Variants in IBA57 observed in about 807,000 individuals in gnomAD.
IBA57 encodes the protein iron-sulfur cluster assembly factor IBA57, mitochondrial.
IBA57 carries 20 observed loss-of-function variants against 20.4 expected under a neutral mutation model. The observed-to-expected ratio is 0.98, with a 90% CI of 0.69 to 1.42. The LOEUF (loss-of-function observed/expected upper bound fraction) is 1.42, where lower values mean the gene tolerates loss of function less well. Ranked by LOEUF, IBA57 falls within the 40% of genes most tolerant of loss-of-function variation. The probability of loss-of-function intolerance (pLI) is 0.00; values close to 1 mark genes in which losing one functional copy is unlikely to be tolerated. For missense variants in IBA57, 608 were observed against 499.3 expected (o/e 1.22, Z -2.07); for synonymous variants, 310 against 233.9 (o/e 1.33, Z -2.97).
At position 228,182,092 on chromosome 1, in the gene IBA57, C is replaced by G. The variant is rs1013341390; in HGVS notation, c.*6579C>G. On this transcript the variant is annotated 3_prime_UTR_variant, in exon 3 of 3. Transcript: ENST00000366711. Reference sequence around the variant, plus strand: ...CATTTTGTTTTATGTCAGACTCTCTCAGTGAGAAGTTCTCAGGGACAATAA... The same window carrying G: ...CATTTTGTTTTATGTCAGACTCTCTGAGTGAGAAGTTCTCAGGGACAATAA... 1 of 152,118 alleles carries G rather than the reference C, an allele frequency of 6.6e-6. No homozygotes were observed. The highest frequency in any genetic ancestry group is 2.4e-5 in the African/African-American group (1 of 41,414). 9.4% of individuals were successfully genotyped at this position (152,118 alleles called of 1,614,324 possible). A position where few individuals can be genotyped will look rare whatever the true frequency, so the allele number is the denominator to read the frequency against.
intron 1 of IBA57, 94 bp downstream of exon 1, chr1:228,166,251 A>T: frequency 2.8e-6 from 1 of 360,790 alleles, no homozygotes; most frequent in Non-Finnish European, 3.9e-6. Flanking sequence ...CGGGGCCTGC[A>T]GAGGGCGTGG....
chr1:228,181,878 T>A lies in IBA57; in HGVS notation c.*6365T>A, dbSNP rs1191368123. ...AAGTAAGAAAAAGGGTCTGTCTGGC[T>A]ATGGGCCATGGAGACCCAGGGCAGT... On this transcript the variant is annotated 3_prime_UTR_variant, in exon 3 of 3. Coordinates refer to ENST00000366711, the MANE Select transcript of IBA57 (RefSeq NM_001010867.4). 1.3e-5 allele frequency: 2 copies of A among 152,246 alleles called. No homozygotes were observed. The highest frequency in any genetic ancestry group is 4.8e-5 in the African/African-American group (2 of 41,458). 9.4% of individuals were successfully genotyped at this position (152,246 alleles called of 1,614,324 possible).
chr1:228,166,030 G>C lies in IBA57; in HGVS notation c.214G>C (p.Gly72Arg), dbSNP rs1215430925. Residue 72 changes from glycine (G) to arginine (R), a missense_variant, in exon 1 of 3, where the codon GGG becomes CGG. By Grantham distance (125) the Gly-to-Arg change is moderately radical. Transcript: ENST00000366711. ...CCCCGACGCGGCGCCCTTCCTGCTA[G>C]GGCTGCTGACCAATGAACTGCCGCT... ...RGPDAAPFLL[G>R]LLTNELPLPS... is the part of the protein sequence containing the mutation. The C allele has an allele frequency of 6.5e-7, 1 of 1,537,558 alleles. No individual in the cohort carries two copies. The highest frequency in any genetic ancestry group is 1.4e-5 in the African/African-American group (1 of 72,164).
chr1:228,175,586 C>T lies in IBA57; in HGVS notation c.*73C>T. On this transcript the variant is annotated 3_prime_UTR_variant, in exon 3 of 3. Coordinates refer to ENST00000366711, the MANE Select transcript of IBA57 (RefSeq NM_001010867.4). ...GCCTTTGGCCTCTGTCCAGGGTCTT[C>T]CCGTCCCATCTGTCTGCTGCGCCTA... 6.7e-7 allele frequency: 1 copy of T among 1,483,388 alleles called. No homozygotes were observed. 91.9% of individuals were successfully genotyped at this position (1,483,388 alleles called of 1,614,324 possible). A position where few individuals can be genotyped will look rare whatever the true frequency, so the allele number is the denominator to read the frequency against.
rs755109511 is a variant in IBA57 at position 228,174,772 on chromosome 1, C to A, written c.422C>A (p.Ala141Glu). 1 of 1,610,448 alleles carries A rather than the reference C, an allele frequency of 6.2e-7. No homozygotes were observed. ...SVQGALQKHL[A>E]LYRIRRKVTV... is the part of the protein sequence containing the mutation. ...CAGGGCGCGCTGCAGAAGCACCTCG[C>A]GCTATACAGGATCCGGCGGAAGGTC... Residue 141 changes from alanine (A) to glutamate (E), a missense_variant, in exon 2 of 3, where the codon GCG becomes GAG. Ala to Glu is a moderately radical substitution (Grantham distance 107, BLOSUM62 -1). Coordinates refer to ENST00000366711, the MANE Select transcript of IBA57 (RefSeq NM_001010867.4).
At chr1:228,169,144 G>T (rs961644317) in intron 1 of IBA57, among the ~76,000 whole-genome samples, 1 of 152,024 alleles carries the variant, frequency 6.6e-6, no homozygotes, top group Admixed American at 6.6e-5. Flanking sequence ...TCTGTGGTTT[G>T]CCCCCTCTGG....
At chr1:228,175,065 CG>C in intron 2 of IBA57, 36 bp downstream of exon 2, 2 of 1,573,502 alleles carry the variant, frequency 1.3e-6, no homozygotes, top group South Asian at 1.2e-5. Context: ...CTGGATTGCA[CG>C]GGTGGAGCTG....
In IBA57 at chr1:228,178,239, C is replaced by T. The variant is rs1469335491; in HGVS notation, c.*2726C>T. 6.6e-6 allele frequency: 1 copy of T among 152,236 alleles called. No homozygotes were observed. The highest frequency in any genetic ancestry group is 2.4e-5 in the African/African-American group (1 of 41,448). 9.4% of individuals were successfully genotyped at this position (152,236 alleles called of 1,614,324 possible). A position where few individuals can be genotyped will look rare whatever the true frequency, so the allele number is the denominator to read the frequency against. On this transcript the variant is annotated 3_prime_UTR_variant, in exon 3 of 3. Coordinates refer to ENST00000366711, the MANE Select transcript of IBA57 (RefSeq NM_001010867.4). The stretch of plus-strand genomic sequence containing the variant: ...TCTGTTTCTGAGCTGTTTTACTTAA[C>T]ACAGTGTATATGGTGCATCTTTAGG...
At chr1:228,174,080 G>A (rs968695529) in intron 1 of IBA57, among the ~76,000 whole-genome samples, 2 of 152,280 alleles carry the variant, frequency 1.3e-5, no homozygotes, top group African/African-American at 4.8e-5. Flanking sequence ...ATCTAGCTGT[G>A]ATGCGCGCCT....
At chr1:228,166,301 T>A in intron 1 of IBA57, 144 bp downstream of exon 1, 3 of 257,682 alleles carry the variant, frequency 1.2e-5, no homozygotes, top group Admixed American at 6.0e-5. Context: ...GGGTGGAAGC[T>A]CAAGGGTGGG....
At position 228,175,389 on chromosome 1, in the gene IBA57, A is replaced by G. The variant is rs200319163; in HGVS notation, c.947A>G (p.Asn316Ser). 1 of 1,612,792 alleles carries G rather than the reference A, an allele frequency of 6.2e-7. No homozygotes were observed. The highest frequency in any genetic ancestry group is 1.3e-5 in the African/African-American group (1 of 74,918). ...TVGKFRAGQG[N>S]VGLALLWSEK... is the part of the protein sequence containing the mutation. ...GGCAAGTTCAGGGCTGGCCAGGGCA[A>G]CGTGGGGCTGGCCCTGCTGTGGTCA... is the stretch of plus-strand genomic sequence containing the variant. Residue 316 changes from asparagine to serine, a missense_variant, in exon 3 of 3, where the codon AAC becomes AGC. Physicochemically the swap from Asn to Ser is conservative, Grantham distance 46. Coordinates refer to ENST00000366711, the MANE Select transcript of IBA57 (RefSeq NM_001010867.4).
rs1347308597 is a variant in IBA57 at position 228,170,546 on chromosome 1, G to T, written c.342-4146G>T. ...GGGCTCAGGCGATTCTCCTGCCTCA[G>T]CTTCACAAAGTGTTGGGATTGCGGG... On this transcript the variant is annotated intron_variant, in intron 1 of 2. Transcript: ENST00000366711. This position sits in a 1 kb window ranked among gnomAD's most constrained non-coding sequence, Gnocchi z 4.8. Among the ~76,000 whole-genome samples, 2 of 152,164 alleles carry T rather than the reference G, an allele frequency of 1.3e-5. No individual in the cohort carries two copies. The highest frequency in any genetic ancestry group is 4.8e-5 in the African/African-American group (2 of 41,420).
chr1:228,170,205 T>C lies in IBA57; in HGVS notation c.341+4048T>C, dbSNP rs1388557269. ...TCTTTTAGTACTGGTTAGTATTCCA[T>C]TGGATGGACCACAGTTTATTTGTCC... On this transcript the variant is annotated intron_variant, in intron 1 of 2. Transcript: ENST00000366711. This position sits in a 1 kb window ranked among gnomAD's most constrained non-coding sequence, Gnocchi z 4.8. Among the ~76,000 whole-genome samples the C allele has an allele frequency of 6.6e-6, 1 of 152,232 alleles. No homozygotes were observed. Among genetic ancestry groups the C allele is most frequent in the Non-Finnish European group, 1.5e-5 (1 of 68,050 alleles).
rs898384399 is a variant in IBA57, at chr1:228,165,965, G to A, written c.149G>A (p.Cys50Tyr). 2 of 1,515,680 alleles carry A rather than the reference G, an allele frequency of 1.3e-6. No individual in the cohort carries two copies. Among genetic ancestry groups the A allele is most frequent in the Non-Finnish European group, 1.8e-6 (2 of 1,139,768 alleles). The allele number at this position is 1,515,680 out of a possible 1,614,324, so 93.9% of individuals were successfully genotyped here. A position where few individuals can be genotyped will look rare whatever the true frequency, so the allele number is the denominator to read the frequency against. ...CCAACGGCCGGAGCGGCCTGGGCCT[G>A]CTTCCGGCTGGACGGGCGCACCCTG... Reference protein sequence around the residue: ...GDPTAGAAWACFRLDGRTLLR... With the variant: ...GDPTAGAAWAYFRLDGRTLLR... Residue 50 changes from cysteine (C) to tyrosine (Y), a missense_variant, in exon 1 of 3, where the codon TGC becomes TAC. Transcript: ENST00000366711.
chr1:228,170,232 C>T lies in IBA57; in HGVS notation c.341+4075C>T, dbSNP rs1473667787. Among the ~76,000 whole-genome samples, 2 of 152,224 alleles carry T rather than the reference C, an allele frequency of 1.3e-5. No homozygotes were observed. Among genetic ancestry groups the T allele is most frequent in the Non-Finnish European group, 2.9e-5 (2 of 68,050 alleles). ...GGATGGACCACAGTTTATTTGTCCACTCATCTACTGAGGGACATATTGGTT... is the reference window on the plus strand; with the variant it reads ...GGATGGACCACAGTTTATTTGTCCATTCATCTACTGAGGGACATATTGGTT... On this transcript the variant is annotated intron_variant, in intron 1 of 2. Coordinates refer to ENST00000366711, the MANE Select transcript of IBA57 (RefSeq NM_001010867.4). The surrounding 1 kb of genome is among the most constrained non-coding windows in gnomAD (Gnocchi z 4.8).
At position 228,174,868 on chromosome 1, in the gene IBA57, C is replaced by T. The variant is rs1351402915; in HGVS notation, c.518C>T (p.Ala173Val). 2.1e-5 allele frequency: 34 copies of T among 1,609,610 alleles called. No individual in the cohort carries two copies. Among genetic ancestry groups the T allele is most frequent in the Non-Finnish European group, 2.8e-5 (33 of 1,179,106 alleles). The change falls in exon 2 of 3, where the codon GCA becomes GTA. Residue 173 changes from alanine (A) to valine (V), a missense_variant. Physicochemically the swap from Ala to Val is moderately conservative, Grantham distance 64. Transcript: ENST00000366711. ...AGTTCCCCTGAGGCCTGCGGGGCTG[C>T]ATCGCTGCAGGAGAGGGCAGGGGCT... Reference protein sequence around the residue: ...LPSSPEACGAASLQERAGAAA... With the variant: ...LPSSPEACGAVSLQERAGAAA...
Position 228,175,284 on chromosome 1 carries a change from C to T in IBA57, c.842C>T (p.Pro281Leu). 3.7e-6 allele frequency: 6 copies of T among 1,612,946 alleles called. No homozygotes were observed. The highest frequency in any genetic ancestry group is 5.1e-6 in the Non-Finnish European group (6 of 1,180,000). ...GGCGTCATCCGCAAGCGCCTCTTCCCTGTCCGGTTCTTGGACCCCCTTCCC... is the reference window on the plus strand; with the variant it reads ...GGCGTCATCCGCAAGCGCCTCTTCCTTGTCCGGTTCTTGGACCCCCTTCCC... ...HMGVIRKRLFPVRFLDPLPTS... is the reference protein window; with the variant it reads ...HMGVIRKRLFLVRFLDPLPTS... The change falls in exon 3 of 3, where the codon CCT becomes CTT. Residue 281 changes from proline (P) to leucine (L), a missense_variant. By Grantham distance (98) the Pro-to-Leu change is moderately conservative. Coordinates refer to ENST00000366711, the MANE Select transcript of IBA57 (RefSeq NM_001010867.4).
chr1:228,166,137 C>G lies in IBA57; in HGVS notation c.321C>G (p.Leu107=), dbSNP rs1002692124. 5.3e-6 allele frequency: 8 copies of G among 1,522,338 alleles called. No homozygotes were observed. The highest frequency in any genetic ancestry group is 1.7e-4 in the Middle Eastern group (1 of 5,882). 94.3% of individuals were successfully genotyped at this position (1,522,338 alleles called of 1,614,324 possible). A position where few individuals can be genotyped will look rare whatever the true frequency, so the allele number is the denominator to read the frequency against. ...AHFLNVQGRT[L]YDVILYGLQE... ...TCCTGAACGTGCAGGGCCGGACGCTCTATGACGTCATCTTGTACGGGTGAG... is the reference window on the plus strand; with the variant it reads ...TCCTGAACGTGCAGGGCCGGACGCTGTATGACGTCATCTTGTACGGGTGAG... Residue 107 remains leucine (L), a synonymous_variant, in exon 1 of 3, where the codon CTC becomes CTG. Coordinates refer to ENST00000366711, the MANE Select transcript of IBA57 (RefSeq NM_001010867.4).
chr1:228,172,155 A>C (rs2034938713), intron 1 of IBA57: 1 of 144,114 alleles, frequency 6.9e-6, no homozygotes, highest in Non-Finnish European at 1.5e-5. Context: ...AAAAAAAAAA[A>C]CAAAACAAAA....
Sources: allele counts gnomAD v4.1 joint callset (sites outside exome capture counted in the v4.1 genomes callset), GRCh38; gene constraint gnomAD v4.1.1; non-coding constraint Gnocchi (gnomAD v3.1); transcripts MANE v1.5; gene names NCBI Gene and HGNC (gene_info 2026-07-23, HGNC 2026-07-21).